FGF14: variants seen among roughly 807,000 people sequenced by gnomAD.
FGF14 encodes fibroblast growth factor 14, also known as fibroblast growth factor homologous factor 4.
A neutral mutation model predicts 25.5 loss-of-function variants in FGF14; 5 were observed. The observed-to-expected ratio is 0.20, with a 90% CI of 0.10 to 0.41. The LOEUF (loss-of-function observed/expected upper bound fraction) is 0.41, where lower values mean the gene tolerates loss of function less well. FGF14 is among the 10% of genes least tolerant of loss of function. FGF14 has a pLI of 1.00. For missense variants in FGF14, 222 were observed against 320.1 expected (o/e 0.69, Z 2.34); for synonymous variants, 138 against 118.3 (o/e 1.17, Z -1.08).
intron 1 of FGF14, among the ~76,000 whole-genome samples, chr13:102,042,070 G>T (rs2041771319): frequency 6.6e-6 from 1 of 152,120 alleles, no homozygotes; most frequent in Non-Finnish European, 1.5e-5. Flanking sequence ...TCCTTCCTTA[G>T]TCATTTCCTT....
intron 1 of FGF14, among the ~76,000 whole-genome samples, chr13:102,057,956 T>G (rs1372631553): frequency 2.0e-5 from 3 of 152,206 alleles, no homozygotes; most frequent in Non-Finnish European, 4.4e-5. Context: ...GTGAAATTCC[T>G]CCACTGATAA....
chr13:102,206,475 G>A (rs1175368173), intron 1 of FGF14, among the ~76,000 whole-genome samples: 1 of 152,060 alleles, frequency 6.6e-6, no homozygotes, highest in Non-Finnish European at 1.5e-5. Context: ...GAGGTCAGGA[G>A]TTCAAGACCA....
intron 1 of FGF14, chr13:102,394,872 TC>T (rs2058538462): frequency 6.6e-6 from 1 of 152,312 alleles, no homozygotes; most frequent in Non-Finnish European, 1.5e-5. Flanking sequence ...GTGGGCCCGC[TC>T]GCGGCTTTGC....
chr13:101,898,259 A>C (rs1341087313), intron 1 of FGF14, among the ~76,000 whole-genome samples: 1 of 152,000 alleles, frequency 6.6e-6, no homozygotes, highest in African/African-American at 2.4e-5. Flanking sequence ...AAAATATTTT[A>C]AAAATCTGAA....
intron 1 of FGF14, among the ~76,000 whole-genome samples, chr13:102,200,691 G>A (rs1490639726): frequency 1.3e-5 from 2 of 149,738 alleles, no homozygotes; most frequent in Admixed American, 6.7e-5. Flanking sequence ...TTTTACTAAT[G>A]ACAGTCAGAG....
chr13:101,896,585 T>C (rs914717723), intron 1 of FGF14, among the ~76,000 whole-genome samples: 3 of 152,220 alleles, frequency 2.0e-5, no homozygotes, highest in African/African-American at 7.2e-5. Flanking sequence ...GCGGGGAATC[T>C]GAGTGGAAAG....
At chr13:102,253,152 T>C (rs948543320) in intron 1 of FGF14, among the ~76,000 whole-genome samples, 1 of 152,204 alleles carries the variant, frequency 6.6e-6, no homozygotes, top group Non-Finnish European at 1.5e-5. Flanking sequence ...AACTTTACAG[T>C]AGAATGACTT....
intron 1 of FGF14, among the ~76,000 whole-genome samples, chr13:102,020,174 G>A (rs1178807812): frequency 6.6e-6 from 1 of 152,110 alleles, no homozygotes; most frequent in Non-Finnish European, 1.5e-5. Context: ...GGGCTTATTT[G>A]AGGGAGGGAC....
At chr13:101,997,255 G>A (rs746972349) in intron 1 of FGF14, among the ~76,000 whole-genome samples, 1 of 151,012 alleles carries the variant, frequency 6.6e-6, no homozygotes, top group Non-Finnish European at 1.5e-5. Flanking sequence ...TCTGCTTCTA[G>A]AACAGTGCCC....
rs2035074621 is a variant in FGF14, at chr13:101,722,714, G to A, written c.*117C>T. ...AACAGAGAAGTTCGGAGACAGCAAA[G>A]AATAAGCATTAGCTTACTTCCTGCT... On this transcript the variant is annotated 3_prime_UTR_variant, in exon 5 of 5. Coordinates refer to ENST00000376143, the MANE Select transcript of FGF14 (RefSeq NM_004115.4). 7.1e-7 allele frequency: 1 copy of A among 1,400,860 alleles called. No homozygotes were observed. The highest frequency in any genetic ancestry group is 1.8e-5 in the Admixed American group (1 of 54,946). The allele number at this position is 1,400,860 out of a possible 1,614,324, so 86.8% of individuals were successfully genotyped here.
At chr13:102,250,097 C>T (rs140017727) in intron 1 of FGF14, among the ~76,000 whole-genome samples, 1 of 152,074 alleles carries the variant, frequency 6.6e-6, no homozygotes, top group African/African-American at 2.4e-5. Flanking sequence ...GGAGAGGACA[C>T]CCCTCAAAGC....
chr13:102,167,131 T>C (rs556695261), intron 1 of FGF14, among the ~76,000 whole-genome samples: 1 of 152,002 alleles, frequency 6.6e-6, no homozygotes, highest in African/African-American at 2.4e-5. Flanking sequence ...TGAAACCCAA[T>C]CTCTACTAAA....
At chr13:101,817,641 A>G (rs2041907960) in intron 3 of FGF14, among the ~76,000 whole-genome samples, 1 of 152,134 alleles carries the variant, frequency 6.6e-6, no homozygotes, top group Non-Finnish European at 1.5e-5. Context: ...ACTGGTGAAA[A>G]GTTGGAGAAA....
intron 1 of FGF14, among the ~76,000 whole-genome samples, chr13:102,157,494 T>C (rs1051378443): frequency 2.0e-5 from 3 of 152,158 alleles, no homozygotes; most frequent in Non-Finnish European, 2.9e-5. Context: ...TTACACCTTA[T>C]ACAAAAATTA....
At chr13:101,817,441 TA>T (rs571522119) in intron 3 of FGF14, among the ~76,000 whole-genome samples, 4 of 152,120 alleles carry the variant, frequency 2.6e-5, no homozygotes, top group Admixed American at 6.6e-5. Context: ...TCTTCAAATT[TA>T]AAAAAAGGTG....
intron 3 of FGF14, among the ~76,000 whole-genome samples, chr13:101,763,497 C>G (rs1321220054): frequency 2.0e-5 from 3 of 152,114 alleles, no homozygotes; most frequent in African/African-American, 7.2e-5. Context: ...GTGGAGACAT[C>G]AGGAGTGAAA....
chr13:102,013,566 G>T (rs16959587), intron 1 of FGF14, among the ~76,000 whole-genome samples: 13,070 of 152,136 alleles, frequency 0.086, 1,264 homozygotes, highest in African/African-American at 0.24. Context: ...ATAAACAGAT[G>T]AATAAACCCA....
chr13:102,108,050 AT>A (rs2045015285), intron 1 of FGF14, among the ~76,000 whole-genome samples: 1 of 152,250 alleles, frequency 6.6e-6, no homozygotes, highest in Non-Finnish European at 1.5e-5. Context: ...AGACTAAATA[AT>A]GGCATTAAAT....
At chr13:101,976,762 A>C (rs1200356011) in intron 1 of FGF14, among the ~76,000 whole-genome samples, 1 of 152,256 alleles carries the variant, frequency 6.6e-6, no homozygotes, top group Non-Finnish European at 1.5e-5. Context: ...AAAATATATT[A>C]GTAAAGTTAG....
Sources: gnomAD v4.1 joint callset for allele counts (sites outside exome capture counted in the v4.1 genomes callset) on GRCh38, gnomAD v4.1.1 for gene constraint, MANE v1.5 for transcripts, NCBI Gene and HGNC (gene_info 2026-07-23, HGNC 2026-07-21) for gene names.